TDRD10: variants seen among roughly 807,000 people sequenced by gnomAD.
TDRD10 encodes the protein tudor domain-containing protein 10.
TDRD10 carries 40 observed loss-of-function variants against 48.0 expected under a neutral mutation model. That is an observed-to-expected ratio of 0.83 (90% CI 0.65 to 1.09). TDRD10 has a LOEUF of 1.09. TDRD10 is among the 50% of genes least tolerant of loss of function. The pLI, the probability that TDRD10 is intolerant of heterozygous loss-of-function variation, is 0.00. For missense variants in TDRD10, 378 were observed against 434.7 expected (o/e 0.87, Z 1.16); for synonymous variants, 162 against 170.4 (o/e 0.95, Z 0.38).
chr1:154,509,337 T>C (rs1016975558), intron 4 of TDRD10, among the ~76,000 whole-genome samples: 2 of 152,194 alleles, frequency 1.3e-5, no homozygotes, highest in African/African-American at 4.8e-5. Context: ...CCTTATTCCT[T>C]TACACTATTT....
In TDRD10 at chr1:154,547,402, T is replaced by C. The variant is rs1400387938; in HGVS notation, c.953-7T>C. 6 of 1,614,174 alleles carry C rather than the reference T, an allele frequency of 3.7e-6. No homozygotes were observed. Among genetic ancestry groups the C allele is most frequent in the Non-Finnish European group, 5.1e-6 (6 of 1,180,032 alleles). Reference sequence around the variant, plus strand: ...CTGAGGTTTTGTTGTTGTGTCTTGTTTTGCAGACATTTTGAGTTCGTATGA... The same window carrying C: ...CTGAGGTTTTGTTGTTGTGTCTTGTCTTGCAGACATTTTGAGTTCGTATGA... On this transcript the variant is annotated splice_region_variant and splice_polypyrimidine_tract_variant and intron_variant, in intron 11 of 12. Coordinates refer to ENST00000368482, the MANE Select transcript of TDRD10 (RefSeq NM_182499.4).
At chr1:154,541,544 G>T (rs1329347245) in intron 6 of TDRD10, among the ~76,000 whole-genome samples, 4 of 151,930 alleles carry the variant, frequency 2.6e-5, no homozygotes, top group Non-Finnish European at 5.9e-5. Flanking sequence ...TTTCAGGTGA[G>T]AACAGTGGAG....
intron 2 of TDRD10, 28 bp downstream of exon 2, chr1:154,506,933 A>G: frequency 6.2e-7 from 1 of 1,614,178 alleles, no homozygotes; most frequent in South Asian, 1.1e-5. Flanking sequence ...GCTGATGAGC[A>G]AGCCTCGCTC....
At chr1:154,511,006 A>G (rs1693437897) in intron 4 of TDRD10, among the ~76,000 whole-genome samples, 1 of 151,992 alleles carries the variant, frequency 6.6e-6, no homozygotes, top group South Asian at 2.1e-4. Flanking sequence ...AGATTGCGCC[A>G]CTGCACTCCA....
In TDRD10 at chr1:154,542,735, T is replaced by C. The variant is rs1459964061; in HGVS notation, c.417T>C (p.Ile139=). The change falls in exon 8 of 13, where the codon ATT becomes ATC. Residue 139 remains isoleucine (I), a synonymous_variant. Transcript: ENST00000368482. ...ACTTAGTCTTCTGCTTTCTAGCTAT[T>C]ATACAGCTCGCTCCTAAAGCTCCTG... ...SGEGFGKTAA[I]IQLAPKAPVD... 1 of 1,613,388 alleles carries C rather than the reference T, an allele frequency of 6.2e-7. No homozygotes were observed. The highest frequency in any genetic ancestry group is 1.1e-5 in the South Asian group (1 of 91,050).
intron 6 of TDRD10, among the ~76,000 whole-genome samples, chr1:154,525,645 G>A (rs1386253849): frequency 6.6e-6 from 1 of 152,176 alleles, no homozygotes; most frequent in African/African-American, 2.4e-5. Flanking sequence ...TGTAATCCCA[G>A]CTCTTTAGAA....
intron 4 of TDRD10, among the ~76,000 whole-genome samples, chr1:154,512,655 T>C (rs1346577338): frequency 6.6e-6 from 1 of 152,184 alleles, no homozygotes; most frequent in Admixed American, 6.5e-5. Flanking sequence ...CTTTTTCCTC[T>C]TTTAAGATGC....
intron 1 of TDRD10, among the ~76,000 whole-genome samples, chr1:154,504,416 T>G (rs1693028693): frequency 2.0e-5 from 3 of 152,228 alleles, no homozygotes. Context: ...CATATCGTAA[T>G]TCCCTGTCTA....
At chr1:154,534,029 C>T (rs962067244) in intron 6 of TDRD10, among the ~76,000 whole-genome samples, 118 of 151,712 alleles carry the variant, frequency 7.8e-4, no homozygotes, top group African/African-American at 2.5e-3. Flanking sequence ...ACCCCCCAGC[C>T]GTATTTTTAA....
chr1:154,533,202 C>G (rs1210161968), intron 6 of TDRD10, among the ~76,000 whole-genome samples: 2 of 152,120 alleles, frequency 1.3e-5, no homozygotes, highest in East Asian at 3.8e-4. Flanking sequence ...GAAGTCTGGG[C>G]CCTGCATGCT....
At chr1:154,531,215 C>G (rs1694599866) in intron 6 of TDRD10, among the ~76,000 whole-genome samples, 1 of 152,122 alleles carries the variant, frequency 6.6e-6, no homozygotes, top group Non-Finnish European at 1.5e-5. Context: ...GTCATTGCTC[C>G]TTGAAGCATT....
At position 154,502,583 on chromosome 1, in the gene TDRD10, G is replaced by A. The variant is rs1249270090; in HGVS notation, c.-474G>A. Reference sequence around the variant, plus strand: ...GAAAGGGGCGGCGGCCGCACGTGCGGATCGGCCGCGCCCCACTGAGCAGAG... The same window carrying A: ...GAAAGGGGCGGCGGCCGCACGTGCGAATCGGCCGCGCCCCACTGAGCAGAG... On this transcript the variant is annotated 5_prime_UTR_variant, in exon 1 of 13. Coordinates refer to ENST00000368482, the MANE Select transcript of TDRD10 (RefSeq NM_182499.4). The A allele has an allele frequency of 6.6e-6, 1 of 152,236 alleles. No homozygotes were observed. The highest frequency in any genetic ancestry group is 1.5e-5 in the Non-Finnish European group (1 of 68,104). The allele number at this position is 152,236 out of a possible 1,614,324, so 9.4% of individuals were successfully genotyped here.
intron 1 of TDRD10, 118 bp from the exon 2 acceptor site, chr1:154,506,759 G>C: frequency 1.2e-6 from 1 of 836,676 alleles, no homozygotes; most frequent in South Asian, 1.5e-5. Flanking sequence ...TAGGGATTAG[G>C]ATGTGGACCA....
At position 154,542,010 on chromosome 1, in the gene TDRD10, A is replaced by AT; in HGVS notation, c.370-9dup. The AT allele has an allele frequency of 6.2e-7, 1 of 1,613,570 alleles. No individual in the cohort carries two copies. Among genetic ancestry groups the AT allele is most frequent in the South Asian group, 1.1e-5 (1 of 90,932 alleles). On this transcript the variant is annotated splice_polypyrimidine_tract_variant and intron_variant, in intron 6 of 12. Transcript: ENST00000368482. ...CCACCATGGCTGAGTGAGACCTTTC[A>AT]TTTTTCTTCCCAGGTGTTGGAGAAG...
At chr1:154,512,004 T>TG (rs944921247) in intron 4 of TDRD10, among the ~76,000 whole-genome samples, 1 of 150,688 alleles carries the variant, frequency 6.6e-6, no homozygotes, top group Non-Finnish European at 1.5e-5. Flanking sequence ...CACTCCAGCC[T>TG]GGGTGACAGA....
chr1:154,546,455 A>G (rs1695585689), intron 11 of TDRD10, among the ~76,000 whole-genome samples: 1 of 143,964 alleles, frequency 6.9e-6, no homozygotes. Context: ...TATATATTAT[A>G]TATTATGTAA....
rs565257512 is a variant in TDRD10 at position 154,545,872 on chromosome 1, A to G, written c.952+923A>G. Among the ~76,000 whole-genome samples, 6 of 144,858 alleles carry G rather than the reference A, an allele frequency of 4.1e-5. 1 individual carries two copies. In the South Asian group the frequency reaches 1.3e-3, roughly 32 times the overall value. On this transcript the variant is annotated intron_variant, in intron 11 of 12. Transcript: ENST00000368482. ...TGCAACCTCCGCCTCCCAAGTTCAC[A>G]TAATTCTCCCGCCTCAGCCTCCCAA...
chr1:154,539,252 T>TAG (rs1262429821), intron 6 of TDRD10, among the ~76,000 whole-genome samples: 1 of 152,138 alleles, frequency 6.6e-6, no homozygotes. Context: ...AACCAAGATT[T>TAG]AGAGAGTGAA....
intron 6 of TDRD10, among the ~76,000 whole-genome samples, chr1:154,533,652 T>G (rs1339622730): frequency 1.3e-5 from 2 of 151,856 alleles, no homozygotes; most frequent in East Asian, 3.8e-4. Context: ...TTATTTATAT[T>G]TTTAGAGCAG....
Sources: allele counts gnomAD v4.1 joint callset (sites outside exome capture counted in the v4.1 genomes callset), GRCh38; gene constraint gnomAD v4.1.1; transcripts MANE v1.5; gene names NCBI Gene and HGNC (gene_info 2026-07-23, HGNC 2026-07-21).